The following SIL1 variants were observed in gnomAD, a reference collection of about 807,000 sequenced individuals.
SIL1 encodes the protein nucleotide exchange factor SIL1.
A neutral mutation model predicts 49.1 loss-of-function variants in SIL1; 40 were observed. The observed-to-expected ratio is 0.81, with a 90% CI of 0.63 to 1.06. The LOEUF (loss-of-function observed/expected upper bound fraction) is 1.06. SIL1 is among the 50% of genes least tolerant of loss of function. The pLI, the probability that SIL1 is intolerant of heterozygous loss-of-function variation, is 0.00. For missense variants in SIL1, 500 were observed against 572.6 expected, an observed-to-expected ratio of 0.87 and a Z score of 1.29; for synonymous variants, 253 against 250.8, an observed-to-expected ratio of 1.01 and a Z score of -0.08.
At chr5:139,186,760 T>C (rs1445935613) in intron 1 of SIL1, among the ~76,000 whole-genome samples, 1 of 152,130 alleles carries the variant, frequency 6.6e-6, no homozygotes, top group East Asian at 1.9e-4. Context: ...TATTGAACAC[T>C]CTCTATGTGC....
At chr5:139,015,817 G>A (rs1029266482) in intron 7 of SIL1, among the ~76,000 whole-genome samples, 1 of 152,178 alleles carries the variant, frequency 6.6e-6, no homozygotes, top group Non-Finnish European at 1.5e-5. Flanking sequence ...ATAGAGAATG[G>A]GATTTCCATG....
At chr5:138,952,526 T>G (rs1044347658) in intron 7 of SIL1, among the ~76,000 whole-genome samples, 1 of 152,216 alleles carries the variant, frequency 6.6e-6, no homozygotes, top group Admixed American at 6.5e-5. Context: ...ACTGTCAGCT[T>G]CTCTGCCCTG....
intron 3 of SIL1, among the ~76,000 whole-genome samples, chr5:139,090,768 C>A (rs752373374): frequency 2.0e-5 from 3 of 152,052 alleles, no homozygotes; most frequent in Non-Finnish European, 4.4e-5. Flanking sequence ...CTACACCTGG[C>A]TAATTTTTTT....
At chr5:139,198,087 G>A (rs765639620) in intron 1 of SIL1, among the ~76,000 whole-genome samples, 182 bp downstream of exon 1, 1 of 152,204 alleles carries the variant, frequency 6.6e-6, no homozygotes, top group Non-Finnish European at 1.5e-5. Flanking sequence ...GATAAGAAAG[G>A]TAGGCCTTCG....
At chr5:139,159,195 G>A (rs1172432585) in intron 1 of SIL1, among the ~76,000 whole-genome samples, 1 of 152,136 alleles carries the variant, frequency 6.6e-6, no homozygotes, top group African/African-American at 2.4e-5. Flanking sequence ...TAACACTGAT[G>A]CCATCCAATT....
In SIL1 at chr5:139,104,421, C is replaced by G. The variant is rs145712468; in HGVS notation, c.244+16614G>C. ...GATTCCCCAAAGTCCCACTCTGCTC[C>G]CTACTCTGTTATTCAGGGTCCTTTT... On this transcript the variant is annotated intron_variant, in intron 3 of 9. Coordinates refer to ENST00000394817, the MANE Select transcript of SIL1 (RefSeq NM_022464.5). 1.2e-3 allele frequency among the ~76,000 whole-genome samples: 177 copies of G among 152,314 alleles called. 1 individual carries two copies. Among genetic ancestry groups the G allele is most frequent in the African/African-American group, 3.9e-3 (161 of 41,562 alleles).
rs1324621138 is a variant in SIL1, at chr5:139,040,502, T to TC, written c.453+2117_453+2118insG. Among the ~76,000 whole-genome samples, 688 of 141,122 alleles carry TC rather than the reference T, an allele frequency of 4.9e-3. 8 individuals are homozygous for TC. The highest frequency in any genetic ancestry group is 0.018 in the African/African-American group (655 of 37,250). 92.6% of individuals were successfully genotyped at this position (141,122 alleles called of 152,430 possible). A position where few individuals can be genotyped will look rare whatever the true frequency, so the allele number is the denominator to read the frequency against. On this transcript the variant is annotated intron_variant, in intron 5 of 9. Coordinates refer to ENST00000394817, the MANE Select transcript of SIL1 (RefSeq NM_022464.5). ...ATTTTTTCTTTTTTCTTTTTTCTTT[T>TC]TTTTTTTTTTTTTGAGACAGAGTTT...
At chr5:139,059,755 T>C (rs1769542702) in intron 3 of SIL1, among the ~76,000 whole-genome samples, 1 of 152,206 alleles carries the variant, frequency 6.6e-6, no homozygotes. Context: ...TATCTATTTA[T>C]CTGTATATAT....
intron 2 of SIL1, among the ~76,000 whole-genome samples, chr5:139,124,855 G>C (rs1050962871): frequency 3.3e-5 from 5 of 152,108 alleles, no homozygotes; most frequent in Non-Finnish European, 5.9e-5. Context: ...GACAGATATG[G>C]GGCTTTTCAA....
intron 1 of SIL1, chr5:139,133,610 A>T (rs1478306200): frequency 6.6e-6 from 1 of 152,274 alleles, no homozygotes; most frequent in Non-Finnish European, 1.5e-5. Context: ...CACACCTGGC[A>T]GGACCCATGG....
intron 1 of SIL1, among the ~76,000 whole-genome samples, chr5:139,128,829 A>G (rs1384365003): frequency 6.6e-6 from 1 of 152,160 alleles, no homozygotes; most frequent in Admixed American, 6.5e-5. Flanking sequence ...ATTTCGGGGG[A>G]CCCAGAATAG....
intron 7 of SIL1, among the ~76,000 whole-genome samples, chr5:138,958,313 A>T (rs1486305086): frequency 6.6e-6 from 1 of 152,230 alleles, no homozygotes; most frequent in Non-Finnish European, 1.5e-5. Context: ...ACAATGCCGT[A>T]TCTTTCTCAG....
chr5:138,975,529 T>C (rs1287251456), intron 7 of SIL1, among the ~76,000 whole-genome samples: 2 of 152,164 alleles, frequency 1.3e-5, no homozygotes, highest in African/African-American at 2.4e-5. Context: ...AGTCCCCAGA[T>C]ACTAGGTGTG....
chr5:139,173,614 T>C (rs1285294628), intron 1 of SIL1, among the ~76,000 whole-genome samples: 1 of 150,696 alleles, frequency 6.6e-6, no homozygotes, highest in Non-Finnish European at 1.5e-5. Flanking sequence ...AAAGCAATAC[T>C]AAAGGAGAAA....
intron 3 of SIL1, among the ~76,000 whole-genome samples, chr5:139,096,199 G>A (rs984249751): frequency 6.6e-6 from 1 of 152,088 alleles, no homozygotes; most frequent in African/African-American, 2.4e-5. Flanking sequence ...TAGAAAAACT[G>A]GACCAAACTC....
At chr5:138,956,894 C>A (rs1171050201) in intron 7 of SIL1, among the ~76,000 whole-genome samples, 1 of 152,146 alleles carries the variant, frequency 6.6e-6, no homozygotes, top group Non-Finnish European at 1.5e-5. Flanking sequence ...AACACATGAG[C>A]TGCACATCAC....
At chr5:139,045,557 A>C (rs1046390015) in intron 4 of SIL1, among the ~76,000 whole-genome samples, 2 of 152,094 alleles carry the variant, frequency 1.3e-5, no homozygotes, top group African/African-American at 4.8e-5. Flanking sequence ...ATCTGCCAGT[A>C]ATCTCCACAT....
intron 1 of SIL1, among the ~76,000 whole-genome samples, chr5:139,144,055 C>T (rs369034430): frequency 6.6e-6 from 1 of 152,200 alleles, no homozygotes; most frequent in Non-Finnish European, 1.5e-5. Context: ...GCAGATGCAA[C>T]GCAATCCCTT....
chr5:139,098,199 CA>C (rs1770511349), intron 3 of SIL1, among the ~76,000 whole-genome samples: 1 of 152,202 alleles, frequency 6.6e-6, no homozygotes, highest in African/African-American at 2.4e-5. Context: ...AATTATACTA[CA>C]GCGCTATGGT....
Sources: gnomAD v4.1 joint callset for allele counts (sites outside exome capture counted in the v4.1 genomes callset) on GRCh38, gnomAD v4.1.1 for gene constraint, MANE v1.5 for transcripts, NCBI Gene and HGNC (gene_info 2026-07-23, HGNC 2026-07-21) for gene names.